PEF1: variants seen among roughly 807,000 people sequenced by gnomAD.
PEF1 encodes the protein penta-EF-hand domain containing 1.
PEF1 carries 17 observed loss-of-function variants against 32.0 expected under a neutral mutation model. The observed-to-expected ratio is 0.53, with a 90% CI of 0.36 to 0.80. PEF1 has a LOEUF of 0.80. Ranked by LOEUF, PEF1 falls within the 30% of genes least tolerant of loss-of-function variation. PEF1 has a pLI of 0.00. For missense variants in PEF1, 362 were observed against 369.1 expected (o/e 0.98, Z 0.16); for synonymous variants, 130 against 139.8 (o/e 0.93, Z 0.50).
intron 2 of PEF1, chr1:31,634,823 A>C (rs761757897): frequency 2.2e-6 from 1 of 460,392 alleles, no homozygotes; most frequent in South Asian, 1.5e-5. Context: ...AGTGGGCAAG[A>C]CATACAGTAC....
At chr1:31,642,901 G>A (rs1363075035) in intron 1 of PEF1, among the ~76,000 whole-genome samples, 1 of 152,208 alleles carries the variant, frequency 6.6e-6, no homozygotes, top group Non-Finnish European at 1.5e-5. Context: ...TTGTCCAGGG[G>A]TATATAACTA....
At chr1:31,631,343 G>C (rs766364670) in intron 4 of PEF1, among the ~76,000 whole-genome samples, 24 of 152,130 alleles carry the variant, frequency 1.6e-4, no homozygotes, top group Non-Finnish European at 2.9e-4. Context: ...GGATTAAAAC[G>C]GGTGATCATG....
At position 31,644,853 on chromosome 1, in the gene PEF1, A is replaced by G. The variant is rs759861222; in HGVS notation, c.12T>C (p.Tyr4=). 5 of 1,613,930 alleles carry G rather than the reference A, an allele frequency of 3.1e-6. No homozygotes were observed. The highest frequency in any genetic ancestry group is 4.2e-6 in the Non-Finnish European group (5 of 1,179,902). The change falls in exon 1 of 5, where the codon TAT becomes TAC. Residue 4 remains tyrosine, a synonymous_variant. Coordinates refer to ENST00000373703, the MANE Select transcript of PEF1 (RefSeq NM_012392.4). ...CTCACACACTCACCTGCCGGTAAGG[A>G]TAGCTGGCCATGGTGATTCTGACGT... MAS[Y]PYRQGCPGAA...
intron 1 of PEF1, chr1:31,644,428 T>C: frequency 9.1e-7 from 1 of 1,095,446 alleles, no homozygotes. Flanking sequence ...TGATGCAGTG[T>C]GGGGTGGGTC....
In PEF1 at chr1:31,635,502, T is replaced by C. The variant is rs1640232611; in HGVS notation, c.45A>G (p.Gly15=). Residue 15 remains glycine (G), a synonymous_variant, in exon 2 of 5, where the codon GGA becomes GGG. Coordinates refer to ENST00000373703, the MANE Select transcript of PEF1 (RefSeq NM_012392.4). ...TACCCGGAGGGGCTCCTGGTGCTTGTCCTGCAGCTCCTGGGCAGCCCTGCA... is the reference window on the plus strand; with the variant it reads ...TACCCGGAGGGGCTCCTGGTGCTTGCCCTGCAGCTCCTGGGCAGCCCTGCA... ...PYRQGCPGAA[G]QAPGAPPGSY... 1 of 1,516,066 alleles carries C rather than the reference T, an allele frequency of 6.6e-7. No individual in the cohort carries two copies. 93.9% of individuals were successfully genotyped at this position (1,516,066 alleles called of 1,614,324 possible).
At chr1:31,644,650 A>C (rs1220661256) in intron 1 of PEF1, 191 bp downstream of exon 1, 1 of 1,437,824 alleles carries the variant, frequency 7.0e-7, no homozygotes, top group Non-Finnish European at 9.2e-7. Context: ...GACCTCGCGA[A>C]TGTGCGGTCC....
At chr1:31,643,864 CTCTATTT>C (rs1553154547) in intron 1 of PEF1, among the ~76,000 whole-genome samples, 4 of 152,178 alleles carry the variant, frequency 2.6e-5, no homozygotes, top group Non-Finnish European at 5.9e-5. Flanking sequence ...AAAATGAGGG[CTCTATTT>C]TGAGGACCCT....
At chr1:31,637,580 C>T (rs2148621970) in intron 1 of PEF1, among the ~76,000 whole-genome samples, 1 of 130,608 alleles carries the variant, frequency 7.7e-6, no homozygotes, top group East Asian at 2.4e-4. Context: ...AAGTTGGAGG[C>T]TGCAGTGAGC....
rs918310213 is a variant in PEF1, at chr1:31,644,717, G to C, written c.24+124C>G. ...CCCTTTTCGGTTCTCTACAGCGCAA[G>C]GCCTCGCTGAAGCGAACCCATCGTG... On this transcript the variant is annotated intron_variant, in intron 1 of 4. Transcript: ENST00000373703. 3.2e-6 allele frequency: 5 copies of C among 1,563,142 alleles called. No homozygotes were observed. In the Middle Eastern group the frequency reaches 5.1e-4, roughly 159 times the overall value.
At chr1:31,641,598 A>T (rs1640391934) in intron 1 of PEF1, among the ~76,000 whole-genome samples, 1 of 152,184 alleles carries the variant, frequency 6.6e-6, no homozygotes, top group Admixed American at 6.5e-5. Context: ...AGGCTGTCTT[A>T]CCTGCTTCAT....
At position 31,630,633 on chromosome 1, in the gene PEF1, T is replaced by G. The variant is rs1640069382; in HGVS notation, c.835A>C (p.Thr279Pro). Residue 279 changes from threonine (T) to proline (P), a missense_variant, in exon 5 of 5, where the codon ACA becomes CCA. Transcript: ENST00000373703. ...TTGGGTCATAGCATCCGAGAAGCTG[T>G]CATGGTGACGAAGTCCTCGAAGCTG... ...RLSFEDFVTM[T>P]ASRML is the part of the protein sequence containing the mutation. The G allele has an allele frequency of 6.2e-7, 1 of 1,612,368 alleles. No individual in the cohort carries two copies. The highest frequency in any genetic ancestry group is 1.1e-5 in the South Asian group (1 of 91,002).
At chr1:31,638,295 AAG>A (rs576932683) in intron 1 of PEF1, among the ~76,000 whole-genome samples, 309 of 152,274 alleles carry the variant, frequency 2.0e-3, no homozygotes, top group Admixed American at 3.7e-3. Flanking sequence ...GGACTTGCCC[AAG>A]TAATGCTGTG....
intron 1 of PEF1, among the ~76,000 whole-genome samples, chr1:31,640,362 G>T (rs1640363372): frequency 6.6e-6 from 1 of 152,036 alleles, no homozygotes. Context: ...TTCAAGTCAG[G>T]GTCTGCATGA....
rs1640063853 is a variant in PEF1 at position 31,630,487 on chromosome 1, G to A, written c.*126C>T. 1.0e-6 allele frequency: 1 copy of A among 990,188 alleles called. No individual in the cohort carries two copies. Among genetic ancestry groups the A allele is most frequent in the Non-Finnish European group, 1.5e-6 (1 of 661,434 alleles). 61.3% of individuals were successfully genotyped at this position (990,188 alleles called of 1,614,324 possible). On this transcript the variant is annotated 3_prime_UTR_variant, in exon 5 of 5. Transcript: ENST00000373703. ...ACTCTCCACCCTCTTTTGGAACAGT[G>A]TTGCATCAAGCAAGGGAGAATGTTC...
In PEF1 at chr1:31,630,016, A is replaced by C. The variant is rs1357760813; in HGVS notation, c.*597T>G. ...CCGAGCAGAGCATGGCAGGCAAGTG[A>C]GGGGTCCCAGCTGCAGAGGGCAGAA... On this transcript the variant is annotated 3_prime_UTR_variant, in exon 5 of 5. Transcript: ENST00000373703. 1 of 155,730 alleles carries C rather than the reference A, an allele frequency of 6.4e-6. No homozygotes were observed. The highest frequency in any genetic ancestry group is 1.9e-4 in the East Asian group (1 of 5,324). 9.6% of individuals were successfully genotyped at this position (155,730 alleles called of 1,614,324 possible).
intron 1 of PEF1, 167 bp downstream of exon 1, chr1:31,644,674 C>G: frequency 6.8e-7 from 1 of 1,468,596 alleles, no homozygotes; most frequent in Non-Finnish European, 9.1e-7. Context: ...ATGACGTGAG[C>G]AGGGCGCGAC....
chr1:31,640,938 G>T (rs1640376624), intron 1 of PEF1, among the ~76,000 whole-genome samples: 3 of 152,090 alleles, frequency 2.0e-5, no homozygotes, highest in African/African-American at 7.2e-5. Flanking sequence ...GAGGAGGTGG[G>T]AAGCCCAAAC....
intron 1 of PEF1, among the ~76,000 whole-genome samples, chr1:31,636,497 AAAC>A (rs923212507): frequency 2.0e-5 from 3 of 152,042 alleles, no homozygotes; most frequent in African/African-American, 7.3e-5. Context: ...AACAAACAAA[AAAC>A]AACCAGTTCA....
intron 1 of PEF1, among the ~76,000 whole-genome samples, chr1:31,636,727 G>A (rs1640263035): frequency 6.6e-6 from 1 of 152,202 alleles, no homozygotes; most frequent in Non-Finnish European, 1.5e-5. Flanking sequence ...CAGAGGACAA[G>A]ACTCAAGTCC....
Sources: gnomAD v4.1 joint callset for allele counts (sites outside exome capture counted in the v4.1 genomes callset) on GRCh38, gnomAD v4.1.1 for gene constraint, MANE v1.5 for transcripts, NCBI Gene and HGNC (gene_info 2026-07-23, HGNC 2026-07-21) for gene names.